The following FBXL5 variants were observed in gnomAD, a reference collection of about 807,000 sequenced individuals.
The protein encoded by FBXL5 is F-box/LRR-repeat protein 5.
A neutral mutation model predicts 78.3 loss-of-function variants in FBXL5; 26 were observed. The ratio of observed to expected loss-of-function variants is 0.33; its 90% confidence interval spans 0.24 to 0.46. The LOEUF (loss-of-function observed/expected upper bound fraction) is 0.46. FBXL5 is among the 20% of genes least tolerant of loss of function. FBXL5 has a pLI of 1.00. For synonymous variants in FBXL5, 295 were observed against 282.5 expected (o/e 1.04, Z -0.45); for missense variants, 710 against 829.2 (o/e 0.86, Z 1.77).
In FBXL5 at chr4:15,615,038, A is replaced by G. The variant is rs545590394; in HGVS notation, c.1851-2624T>C. Among the ~76,000 whole-genome samples, 249 of 152,278 alleles carry G rather than the reference A, an allele frequency of 1.6e-3. 2 individuals are homozygous for G. The highest frequency in any genetic ancestry group is 5.2e-3 in the African/African-American group (218 of 41,564). On this transcript the variant is annotated intron_variant, in intron 9 of 10. Coordinates refer to ENST00000341285, the MANE Select transcript of FBXL5 (RefSeq NM_012161.4). ...CGGCCAGCCCTGCCGGCCCTGGGCAATGAGGGACTTAGCACCCGGGCCAGT... is the reference window on the plus strand; with the variant it reads ...CGGCCAGCCCTGCCGGCCCTGGGCAGTGAGGGACTTAGCACCCGGGCCAGT...
At chr4:15,608,367 C>T (rs1365432729) in intron 10 of FBXL5, among the ~76,000 whole-genome samples, 4 of 151,920 alleles carry the variant, frequency 2.6e-5, no homozygotes, top group Admixed American at 1.3e-4. Flanking sequence ...ATGTAGGGTC[C>T]ACATGCTCAG....
intron 9 of FBXL5, among the ~76,000 whole-genome samples, chr4:15,623,764 C>G (rs1254747842): frequency 6.6e-6 from 1 of 151,884 alleles, no homozygotes; most frequent in African/African-American, 2.4e-5. Context: ...ACAGTTATAC[C>G]AGTTACCTCG....
chr4:15,670,499 TAA>T (rs1206638955), intron 1 of FBXL5, among the ~76,000 whole-genome samples: 1 of 152,202 alleles, frequency 6.6e-6, no homozygotes, highest in Non-Finnish European at 1.5e-5. Flanking sequence ...TTTTTACATT[TAA>T]AGTGTGTGCC....
chr4:15,615,244 AC>A (rs1711681100), intron 9 of FBXL5, among the ~76,000 whole-genome samples: 2 of 151,706 alleles, frequency 1.3e-5, no homozygotes, highest in African/African-American at 4.8e-5. Flanking sequence ...AACGAGCACT[AC>A]CCCCTGCTCC....
chr4:15,652,034 C>G (rs190655643), intron 1 of FBXL5, among the ~76,000 whole-genome samples: 1 of 152,278 alleles, frequency 6.6e-6, no homozygotes, highest in Admixed American at 6.5e-5. Context: ...AGACTAGAGA[C>G]CACATGTCAC....
intron 1 of FBXL5, among the ~76,000 whole-genome samples, chr4:15,648,483 A>G (rs1715601003): frequency 6.6e-6 from 1 of 152,208 alleles, no homozygotes; most frequent in South Asian, 2.1e-4. Context: ...AGCCAACCTG[A>G]GTGCTTGTCC....
At chr4:15,626,475 T>C (rs1407045057) in intron 8 of FBXL5, among the ~76,000 whole-genome samples, 3 of 152,208 alleles carry the variant, frequency 2.0e-5, no homozygotes, top group East Asian at 1.9e-4. Context: ...CAAGGAGATA[T>C]ACTCTGGGAA....
rs550831320 is a variant in FBXL5, at chr4:15,640,410, A to C, written c.396+378T>G. On this transcript the variant is annotated intron_variant, in intron 3 of 10. Coordinates refer to ENST00000341285, the MANE Select transcript of FBXL5 (RefSeq NM_012161.4). ...ACACTACTGAAAAAAAAAAAAAAAAACATGAAAAAATCTTTAAACATAGCA... is the reference window on the plus strand; with the variant it reads ...ACACTACTGAAAAAAAAAAAAAAAACCATGAAAAAATCTTTAAACATAGCA... 2.3e-4 allele frequency among the ~76,000 whole-genome samples: 34 copies of C among 146,682 alleles called. 1 individual carries two copies. Among genetic ancestry groups the C allele is most frequent in the East Asian group, 1.2e-3 (6 of 5,150 alleles).
intron 9 of FBXL5, among the ~76,000 whole-genome samples, chr4:15,617,104 C>T (rs539973006): frequency 1.3e-5 from 2 of 152,310 alleles, no homozygotes; most frequent in East Asian, 3.9e-4. Flanking sequence ...ACCCAGCAAT[C>T]CCATTACTAG....
chr4:15,680,043 G>A (rs371579442), intron 1 of FBXL5, among the ~76,000 whole-genome samples: 3 of 152,032 alleles, frequency 2.0e-5, no homozygotes, highest in African/African-American at 7.2e-5. Flanking sequence ...CTACAAAATG[G>A]AGTATGTGAC....
intron 1 of FBXL5, among the ~76,000 whole-genome samples, chr4:15,649,556 G>T (rs1715704575): frequency 1.4e-5 from 2 of 140,676 alleles, no homozygotes; most frequent in African/African-American, 2.7e-5. Context: ...CTCCAGCCTG[G>T]AGACAGGGCA....
chr4:15,644,030 C>T (rs1429277557), intron 2 of FBXL5, among the ~76,000 whole-genome samples: 4 of 152,142 alleles, frequency 2.6e-5, no homozygotes, highest in Admixed American at 6.5e-5. Flanking sequence ...TGTTCTTGTT[C>T]GGCTTAGTCC....
intron 5 of FBXL5, 60 bp from the exon 6 acceptor site, chr4:15,630,851 A>G: frequency 6.3e-7 from 1 of 1,587,164 alleles, no homozygotes; most frequent in Non-Finnish European, 8.6e-7. Flanking sequence ...TGCAATTATG[A>G]AAAACTAAGC....
At chr4:15,637,675 A>T (rs547520732) in intron 4 of FBXL5, among the ~76,000 whole-genome samples, 1 of 152,330 alleles carries the variant, frequency 6.6e-6, no homozygotes, top group East Asian at 1.9e-4. Context: ...TATCTAAAGC[A>T]CAAGCTACAT....
chr4:15,609,574 C>T (rs1002975308), intron 10 of FBXL5, among the ~76,000 whole-genome samples: 15 of 152,020 alleles, frequency 9.9e-5, no homozygotes, highest in African/African-American at 1.9e-4. Context: ...ATTATACATA[C>T]ATTGAAATGC....
Position 15,636,522 on chromosome 4 carries a change from T to C in FBXL5, c.738A>G (p.Lys246=). Reference sequence around the variant, plus strand: ...TGGCCCAATGAACAGGGTAAAGATGTTTCCAAAGCGATCCCGTTTTTGTCA... The same window carrying C: ...TGGCCCAATGAACAGGGTAAAGATGCTTCCAAAGCGATCCCGTTTTTGTCA... The part of the protein sequence containing the change: ...SQLTKTGSLW[K]HLYPVHWARG... The change falls in exon 5 of 11, where the codon AAA becomes AAG. Residue 246 remains lysine, a synonymous_variant. Coordinates refer to ENST00000341285, the MANE Select transcript of FBXL5 (RefSeq NM_012161.4). 1 of 1,611,900 alleles carries C rather than the reference T, an allele frequency of 6.2e-7. No homozygotes were observed. The highest frequency in any genetic ancestry group is 1.3e-5 in the African/African-American group (1 of 75,004).
intron 1 of FBXL5, among the ~76,000 whole-genome samples, chr4:15,669,011 A>T (rs913374558): frequency 6.6e-5 from 10 of 152,258 alleles, no homozygotes; most frequent in Admixed American, 3.9e-4. Flanking sequence ...AATAAGCTGC[A>T]TAACACTTGT....
Position 15,671,444 on chromosome 4 carries a change from GGTTTTT to G in FBXL5, c.-284+9933_-284+9938del, listed in dbSNP as rs1192793763. On this transcript the variant is annotated intron_variant, in intron 1 of 4. Coordinates refer to the FBXL5 transcript ENST00000507899. ...TTTGATTATGGTGTACTCTGGTTTGGGTTTTTGTTTAAGAGACAGGGTCTCTCCACA... is the reference window on the plus strand; with the variant it reads ...TTTGATTATGGTGTACTCTGGTTTGGGTTTAAGAGACAGGGTCTCTCCACA... Among the ~76,000 whole-genome samples, 7 of 150,596 alleles carry G rather than the reference GGTTTTT, an allele frequency of 4.6e-5. No individual in the cohort carries two copies. The East Asian group carries it at 1.4e-3, about 30-fold the overall frequency.
At chr4:15,668,562 C>A (rs938822728) in intron 1 of FBXL5, among the ~76,000 whole-genome samples, 1 of 150,446 alleles carries the variant, frequency 6.6e-6, no homozygotes. Context: ...AAGTCACATT[C>A]TAAAAAGAAA....
Sources: gnomAD v4.1 joint callset for allele counts (sites outside exome capture counted in the v4.1 genomes callset) on GRCh38, gnomAD v4.1.1 for gene constraint, MANE v1.5 for transcripts, NCBI Gene and HGNC (gene_info 2026-07-23, HGNC 2026-07-21) for gene names.